Variants in KIAA1671 observed in about 807,000 individuals in gnomAD.
KIAA1671 encodes the protein uncharacterized protein KIAA1671.
A neutral mutation model predicts 131.2 loss-of-function variants in KIAA1671; 52 were observed. The ratio of observed to expected loss-of-function variants is 0.40; its 90% CI spans 0.32 to 0.50. The LOEUF (loss-of-function observed/expected upper bound fraction) is 0.50. Ranked by LOEUF, KIAA1671 falls within the 20% of genes least tolerant of loss-of-function variation. The probability of loss-of-function intolerance (pLI) is 0.73; values close to 1 mark genes in which losing one functional copy is unlikely to be tolerated. For synonymous variants in KIAA1671, 1,003 were observed against 961.6 expected, an observed-to-expected ratio of 1.04 and a Z score of -0.80; for missense variants, 2,360 against 2,364.2, an observed-to-expected ratio of 1.00 and a Z score of 0.04.
chr22:25,034,106 T>TG (rs1297537384), intron 4 of KIAA1671, among the ~76,000 whole-genome samples: 2 of 149,832 alleles, frequency 1.3e-5, no homozygotes, highest in Admixed American at 6.7e-5. Flanking sequence ...AGTGCAGTGG[T>TG]GCGATCTTGG....
intron 6 of KIAA1671, among the ~76,000 whole-genome samples, chr22:25,136,744 C>A (rs1932694021): frequency 6.6e-6 from 1 of 152,164 alleles, no homozygotes; most frequent in South Asian, 2.1e-4. Context: ...GAGCTATAGA[C>A]CTTTGAGAGG....
At chr22:25,136,079 C>G (rs1932663436) in intron 6 of KIAA1671, among the ~76,000 whole-genome samples, 1 of 152,220 alleles carries the variant, frequency 6.6e-6, no homozygotes, top group African/African-American at 2.4e-5. Flanking sequence ...CACAGCCTAT[C>G]CCAGAGTTGT....
chr22:25,130,658 A>G (rs558570573), intron 6 of KIAA1671, among the ~76,000 whole-genome samples: 2 of 151,768 alleles, frequency 1.3e-5, no homozygotes, highest in Non-Finnish European at 2.9e-5. Flanking sequence ...AAACATCTAG[A>G]TGAGTTCTAC....
At chr22:25,137,115 TG>T (rs1932712501) in intron 6 of KIAA1671, among the ~76,000 whole-genome samples, 1 of 152,230 alleles carries the variant, frequency 6.6e-6, no homozygotes, top group Non-Finnish European at 1.5e-5. Context: ...AGTCGCTGCC[TG>T]GGGTGCAGTG....
intron 6 of KIAA1671, among the ~76,000 whole-genome samples, chr22:25,119,066 G>A (rs1257298135): frequency 6.6e-6 from 1 of 152,114 alleles, no homozygotes; most frequent in African/African-American, 2.4e-5. Context: ...CCTCTACTAG[G>A]ATGTAAGGTC....
At chr22:25,192,007 G>T (rs955313273) in intron 12 of KIAA1671, among the ~76,000 whole-genome samples, 4 of 152,082 alleles carry the variant, frequency 2.6e-5, no homozygotes, top group African/African-American at 9.7e-5. Flanking sequence ...TGATGCATGT[G>T]TGTATGTATA....
At chr22:25,000,241 T>G (rs1425954893) in intron 1 of KIAA1671, among the ~76,000 whole-genome samples, 3 of 79,038 alleles carry the variant, frequency 3.8e-5, no homozygotes, top group Non-Finnish European at 7.1e-5. Context: ...TCGCCCAGGC[T>G]GGAGTGCAGT....
At position 25,190,781 on chromosome 22, in the gene KIAA1671, C is replaced by T. The variant is rs753915307; in HGVS notation, c.*1C>T. On this transcript the variant is annotated 3_prime_UTR_variant, in exon 12 of 13. Coordinates refer to ENST00000358431, the MANE Select transcript of KIAA1671 (RefSeq NM_001145206.2). ...AAGTCTTTATGAGAACCAAGTTTGA[C>T]CAGGTATGAAGGGGCTCTGTTGGGG... 16 of 1,548,936 alleles carry T rather than the reference C, an allele frequency of 1.0e-5. No homozygotes were observed. The Middle Eastern group carries it at 5.0e-4, about 48-fold the overall frequency.
chr22:25,082,427 T>C (rs1038746291), intron 6 of KIAA1671, among the ~76,000 whole-genome samples: 6 of 152,124 alleles, frequency 3.9e-5, no homozygotes, highest in Non-Finnish European at 8.8e-5. Context: ...TGTCATTGAT[T>C]TTATCACTGT....
chr22:25,136,887 T>C (rs1932700914), intron 6 of KIAA1671, among the ~76,000 whole-genome samples: 1 of 152,148 alleles, frequency 6.6e-6, no homozygotes, highest in African/African-American at 2.4e-5. Context: ...AGTTTCCCAT[T>C]AAAAGGGTAC....
At chr22:25,007,451 A>G (rs1410585860) in intron 1 of KIAA1671, among the ~76,000 whole-genome samples, 1 of 150,250 alleles carries the variant, frequency 6.7e-6, no homozygotes, top group Non-Finnish European at 1.5e-5. Flanking sequence ...ACGCCATGGC[A>G]CTCCAGCCTG....
chr22:25,026,731 A>C (rs1443778120), intron 2 of KIAA1671, among the ~76,000 whole-genome samples: 1 of 144,132 alleles, frequency 6.9e-6, no homozygotes, highest in Non-Finnish European at 1.5e-5. Flanking sequence ...ACTTGGTCTC[A>C]AAAAAAAAAA....
intron 1 of KIAA1671, among the ~76,000 whole-genome samples, chr22:24,987,138 T>A (rs1200372964): frequency 2.0e-5 from 3 of 151,778 alleles, no homozygotes; most frequent in Non-Finnish European, 4.4e-5. Flanking sequence ...GTTCTTTTGA[T>A]TTTTTTCCAA....
At chr22:25,147,013 G>T (rs1168995859) in intron 6 of KIAA1671, among the ~76,000 whole-genome samples, 1 of 152,078 alleles carries the variant, frequency 6.6e-6, no homozygotes, top group Non-Finnish European at 1.5e-5. Flanking sequence ...GAAGCTCCAG[G>T]TTTAAGAGCA....
Position 25,028,634 on chromosome 22 carries a change from C to G in KIAA1671, c.635C>G (p.Ala212Gly), listed in dbSNP as rs370932896. 4.0e-5 allele frequency: 62 copies of G among 1,550,938 alleles called. 1 individual carries two copies. The East Asian group carries it at 7.8e-4, about 20-fold the overall frequency. The change falls in exon 3 of 13, where the codon GCA becomes GGA. Residue 212 changes from alanine to glycine, a missense_variant. Physicochemically the swap from Ala to Gly is moderately conservative, Grantham distance 60 (BLOSUM62 0). This residue lies in a region of KIAA1671 where 1,185 missense variants were observed against 1,126.2 expected (regional missense o/e 1.05). Coordinates refer to ENST00000358431, the MANE Select transcript of KIAA1671 (RefSeq NM_001145206.2). ...DTKPPVPQEE[A>G]GQDHPPSKAS... The stretch of plus-strand genomic sequence containing the variant: ...AAACCACCTGTACCCCAAGAGGAGG[C>G]AGGCCAAGACCATCCTCCCTCAAAG...
chr22:25,045,190 A>G (rs1927157189), intron 5 of KIAA1671, among the ~76,000 whole-genome samples: 1 of 152,290 alleles, frequency 6.6e-6, no homozygotes, highest in African/African-American at 2.4e-5. Flanking sequence ...GAAATACTAT[A>G]GAAAAATGGT....
intron 6 of KIAA1671, among the ~76,000 whole-genome samples, chr22:25,072,521 T>C (rs888001671): frequency 2.0e-5 from 3 of 152,190 alleles, no homozygotes; most frequent in Admixed American, 6.5e-5. Flanking sequence ...TCTGAGTCAC[T>C]GAAGACAGCC....
intron 6 of KIAA1671, chr22:25,061,368 A>G (rs1209255865): frequency 1.3e-5 from 2 of 151,748 alleles, no homozygotes; most frequent in Non-Finnish European, 2.9e-5. Flanking sequence ...TATCCTGTGA[A>G]CTCCTCCATT....
At chr22:25,095,063 C>A (rs946010113) in intron 6 of KIAA1671, among the ~76,000 whole-genome samples, 1 of 152,108 alleles carries the variant, frequency 6.6e-6, no homozygotes. Context: ...AGTGTATATA[C>A]AAAAGTTCAC....
Sources: gnomAD v4.1 joint callset for allele counts (sites outside exome capture counted in the v4.1 genomes callset) on GRCh38, gnomAD v4.1.1 for gene constraint, gnomAD v4.1.1 regional missense constraint, MANE v1.5 for transcripts, NCBI Gene and HGNC (gene_info 2026-07-23, HGNC 2026-07-21) for gene names.